RHOH: variants seen among roughly 807,000 people sequenced by gnomAD.
RHOH encodes ras homolog family member H.
In RHOH, 6 loss-of-function variants were observed where a neutral mutation model predicts 13.8. That is an observed-to-expected ratio of 0.44 (90% CI 0.24 to 0.86). RHOH has a LOEUF of 0.86. Ranked by LOEUF, RHOH falls within the 40% of genes least tolerant of loss-of-function variation. The pLI, the probability that RHOH is intolerant of heterozygous loss-of-function variation, is 0.24. For synonymous variants in RHOH, 117 were observed against 103.0 expected, an observed-to-expected ratio of 1.14 and a Z score of -0.82; for missense variants, 147 against 244.5, an observed-to-expected ratio of 0.60 and a Z score of 2.66.
At chr4:40,235,687 G>A (rs1728486539) in intron 1 of RHOH, among the ~76,000 whole-genome samples, 1 of 150,396 alleles carries the variant, frequency 6.6e-6, no homozygotes, top group Admixed American at 6.7e-5. Context: ...TGAAGAGCTG[G>A]GTACAACCTA....
intron 1 of RHOH, among the ~76,000 whole-genome samples, chr4:40,223,466 CTT>C (rs36119984): frequency 0.029 from 2,770 of 94,458 alleles, 28 homozygotes; most frequent in African/African-American, 0.055. Context: ...TGATTGTTAG[CTT>C]TTTTTTTTTT....
chr4:40,203,267 C>G (rs139454932), intron 1 of RHOH, among the ~76,000 whole-genome samples: 1 of 152,210 alleles, frequency 6.6e-6, no homozygotes, highest in Non-Finnish European at 1.5e-5. Context: ...CCACCGCGCC[C>G]GGCCAGTTCT....
intron 1 of RHOH, among the ~76,000 whole-genome samples, chr4:40,235,557 T>C (rs1466074227): frequency 7.9e-6 from 1 of 126,078 alleles, no homozygotes; most frequent in Non-Finnish European, 1.6e-5. Flanking sequence ...GCCATTGCAT[T>C]CCAGCCTGGG....
chr4:40,192,998 T>G (rs1722768004), upstream of RHOH: 1 of 152,410 alleles, frequency 6.6e-6, no homozygotes, highest in Admixed American at 6.5e-5. Flanking sequence ...GCTGTGAGGC[T>G]GTGAGATGGG....
At chr4:40,213,706 G>A (rs796957818) in intron 1 of RHOH, among the ~76,000 whole-genome samples, 25 of 152,170 alleles carry the variant, frequency 1.6e-4, no homozygotes, top group African/African-American at 5.3e-4. Context: ...GCCCTAGACC[G>A]CTGCTCCTGA....
chr4:40,200,615 T>C (rs1017915966), intron 1 of RHOH: 3 of 152,176 alleles, frequency 2.0e-5, no homozygotes, highest in Admixed American at 2.0e-4. Flanking sequence ...CTCTCTATTG[T>C]GATTAATATC....
At chr4:40,237,095 A>T (rs138972791) in intron 1 of RHOH, among the ~76,000 whole-genome samples, 1 of 152,198 alleles carries the variant, frequency 6.6e-6, no homozygotes, top group Non-Finnish European at 1.5e-5. Context: ...AAGTTTAGAG[A>T]TGGTTACACC....
chr4:40,221,649 C>G (rs1158674875), intron 1 of RHOH, among the ~76,000 whole-genome samples: 2 of 152,126 alleles, frequency 1.3e-5, no homozygotes, highest in Admixed American at 1.3e-4. Flanking sequence ...GGCTGTTCCC[C>G]CACCTCTCTT....
At chr4:40,207,349 T>C (rs941239246) in intron 1 of RHOH, among the ~76,000 whole-genome samples, 2 of 152,322 alleles carry the variant, frequency 1.3e-5, no homozygotes, top group East Asian at 3.9e-4. Flanking sequence ...AAGGCAACTA[T>C]GAGTATTTTT....
At chr4:40,204,483 T>C (rs1483920786) in intron 1 of RHOH, among the ~76,000 whole-genome samples, 1 of 152,244 alleles carries the variant, frequency 6.6e-6, no homozygotes, top group Non-Finnish European at 1.5e-5. Context: ...TCACTAGTTT[T>C]GGTCACAGAT....
chr4:40,211,747 AGTTT>A (rs1395230492), intron 1 of RHOH, among the ~76,000 whole-genome samples: 3 of 152,186 alleles, frequency 2.0e-5, no homozygotes, highest in Admixed American at 6.5e-5. Context: ...TAGTTCCGTT[AGTTT>A]GTTTGTAAGA....
upstream of RHOH, among the ~76,000 whole-genome samples, chr4:40,196,567 A>G (rs995485148): frequency 6.6e-6 from 1 of 152,030 alleles, no homozygotes; most frequent in Non-Finnish European, 1.5e-5. Context: ...AAAATATTTG[A>G]TAGTTTTTAA....
At chr4:40,215,390 G>C (rs930961465) in intron 1 of RHOH, among the ~76,000 whole-genome samples, 1 of 152,144 alleles carries the variant, frequency 6.6e-6, no homozygotes, top group African/African-American at 2.4e-5. Flanking sequence ...CCAAGGCCTC[G>C]GATAAAAATA....
intron 1 of RHOH, among the ~76,000 whole-genome samples, chr4:40,234,630 G>A (rs1728328913): frequency 6.6e-6 from 1 of 151,188 alleles, no homozygotes; most frequent in Non-Finnish European, 1.5e-5. Context: ...ACTTGGCAAT[G>A]TTTTGTTTTA....
chr4:40,192,251 G>T (rs1310241371), upstream of RHOH, among the ~76,000 whole-genome samples: 2 of 152,044 alleles, frequency 1.3e-5, no homozygotes, highest in African/African-American at 4.8e-5. Flanking sequence ...CTTCAGACAA[G>T]GTTTTAGTAC....
chr4:40,215,919 C>A (rs1468540190), intron 1 of RHOH, among the ~76,000 whole-genome samples: 1 of 151,836 alleles, frequency 6.6e-6, no homozygotes, highest in African/African-American at 2.4e-5. Flanking sequence ...GACTCTGTAT[C>A]AAAAAACAAA....
At chr4:40,236,077 G>A (rs1447120738) in intron 1 of RHOH, among the ~76,000 whole-genome samples, 1 of 152,196 alleles carries the variant, frequency 6.6e-6, no homozygotes, top group Non-Finnish European at 1.5e-5. Flanking sequence ...AGATGCCTTG[G>A]AGAAGGCTGA....
chr4:40,220,177 C>T (rs1300990099), intron 1 of RHOH, among the ~76,000 whole-genome samples: 1 of 152,116 alleles, frequency 6.6e-6, no homozygotes, highest in Non-Finnish European at 1.5e-5. Context: ...TACCCACGTG[C>T]ACACCTGGGC....
chr4:40,235,981 TA>T (rs1328939372), intron 1 of RHOH, among the ~76,000 whole-genome samples: 20 of 112,546 alleles, frequency 1.8e-4, no homozygotes, highest in African/African-American at 7.0e-4. Context: ...GAGCCTGTCT[TA>T]AAGAAAAAAA....
Sources: allele counts gnomAD v4.1 joint callset (sites outside exome capture counted in the v4.1 genomes callset), GRCh38; gene constraint gnomAD v4.1.1; transcripts MANE v1.5; gene names NCBI Gene and HGNC (gene_info 2026-07-23, HGNC 2026-07-21).